Variants in MARCHF1 observed in about 807,000 individuals in gnomAD.
The protein encoded by MARCHF1 is membrane associated ring-CH-type finger 1, also known as E3 ubiquitin-protein ligase MARCHF1.
Under a neutral mutation model 54.2 loss-of-function variants are expected in MARCHF1, and 40 were observed. The observed-to-expected ratio is 0.74, with a 90% CI of 0.57 to 0.96. The LOEUF (loss-of-function observed/expected upper bound fraction) is 0.96. Among genes scored for constraint, MARCHF1 ranks in the 40% least tolerant of loss-of-function variants. MARCHF1 has a pLI of 0.00. For synonymous variants in MARCHF1, 236 were observed against 236.3 expected, an observed-to-expected ratio of 1.00 and a Z score of 0.01; for missense variants, 586 against 656.5, an observed-to-expected ratio of 0.89 and a Z score of 1.17.
intron 2 of MARCHF1, among the ~76,000 whole-genome samples, chr4:164,103,172 T>G (rs1325651685): frequency 1.7e-5 from 1 of 57,266 alleles, no homozygotes; most frequent in Non-Finnish European, 4.2e-5. Context: ...AATGGGAGAC[T>G]TTAACACCCC....
chr4:163,835,293 ATTCGTGG>A (rs1749149206), intron 4 of MARCHF1, among the ~76,000 whole-genome samples: 1 of 152,210 alleles, frequency 6.6e-6, no homozygotes, highest in South Asian at 2.1e-4. Flanking sequence ...ATAAGACCAC[ATTCGTGG>A]TTCTTAAAAT....
At chr4:164,062,931 C>T (rs1754651539) in intron 2 of MARCHF1, among the ~76,000 whole-genome samples, 1 of 152,136 alleles carries the variant, frequency 6.6e-6, no homozygotes, top group Admixed American at 6.5e-5. Context: ...ATTTCTTGTA[C>T]ATTTTCCTGA....
intron 1 of MARCHF1, among the ~76,000 whole-genome samples, chr4:164,148,281 C>T (rs1007327845): frequency 6.6e-6 from 1 of 152,042 alleles, no homozygotes; most frequent in African/African-American, 2.4e-5. Flanking sequence ...TTGCTCATTT[C>T]TTGAATACAA....
At chr4:164,321,343 A>C (rs1579718946) in intron 1 of MARCHF1, among the ~76,000 whole-genome samples, 1 of 152,192 alleles carries the variant, frequency 6.6e-6, no homozygotes, top group African/African-American at 2.4e-5. Flanking sequence ...GCAGTGGATG[A>C]ATTTAAAGAG....
chr4:164,130,580 G>A (rs548547964), intron 1 of MARCHF1, among the ~76,000 whole-genome samples: 2 of 152,192 alleles, frequency 1.3e-5, no homozygotes, highest in South Asian at 2.1e-4. Context: ...TAAACCCTGC[G>A]CTAAACAATG....
intron 1 of MARCHF1, among the ~76,000 whole-genome samples, chr4:164,162,642 A>AG (rs1730268139): frequency 6.6e-6 from 1 of 152,056 alleles, no homozygotes; most frequent in Admixed American, 6.6e-5. Context: ...GATTCAAAAA[A>AG]CATTATCCAG....
intron 8 of MARCHF1, among the ~76,000 whole-genome samples, chr4:163,566,856 C>T (rs1397360694): frequency 6.6e-6 from 1 of 152,134 alleles, no homozygotes; most frequent in Non-Finnish European, 1.5e-5. Context: ...CTAATTCAGT[C>T]CTAAGTATTA....
intron 4 of MARCHF1, among the ~76,000 whole-genome samples, chr4:163,794,469 T>G (rs1053630342): frequency 6.6e-6 from 1 of 152,164 alleles, no homozygotes; most frequent in African/African-American, 2.4e-5. Flanking sequence ...TAACACAAAC[T>G]TATTATGTAA....
intron 1 of MARCHF1, among the ~76,000 whole-genome samples, chr4:164,178,719 G>A (rs1023983051): frequency 6.6e-6 from 1 of 151,898 alleles, no homozygotes; most frequent in African/African-American, 2.4e-5. Flanking sequence ...TTAAAATGCA[G>A]CTTAATGTCT....
At chr4:163,994,845 AC>A (rs1358566223) in intron 2 of MARCHF1, among the ~76,000 whole-genome samples, 3 of 151,318 alleles carry the variant, frequency 2.0e-5, no homozygotes, top group Non-Finnish European at 4.4e-5. Context: ...ATGTAGAGAT[AC>A]ATGTATCTGC....
In MARCHF1 at chr4:163,786,983, G is replaced by C. The variant is rs149165983; in HGVS notation, c.111+67038C>G. Among the ~76,000 whole-genome samples the C allele has an allele frequency of 1.4e-4, 21 of 151,964 alleles. No individual in the cohort carries two copies. The East Asian group carries it at 3.9e-3, about 28-fold the overall frequency. On this transcript the variant is annotated intron_variant, in intron 4 of 9. Transcript: ENST00000514618. ...ACAAGGATGCCAATACTACATACAG[G>C]AAAGTCTCTAGAGCAGATGATGATG...
At chr4:164,100,283 A>T (rs973504290) in intron 2 of MARCHF1, among the ~76,000 whole-genome samples, 5 of 152,240 alleles carry the variant, frequency 3.3e-5, no homozygotes, top group African/African-American at 1.2e-4. Context: ...ATTACAATAG[A>T]GGATCAATCT....
At chr4:164,337,029 G>T (rs6536809) in intron 1 of MARCHF1, among the ~76,000 whole-genome samples, 9,129 of 151,984 alleles carry the variant, frequency 0.06, 786 homozygotes, top group East Asian at 0.25. Context: ...GGAAAGGAGG[G>T]TGAGAAGAGA....
chr4:163,822,892 C>G (rs966233282), intron 4 of MARCHF1, among the ~76,000 whole-genome samples: 5 of 151,794 alleles, frequency 3.3e-5, no homozygotes, highest in African/African-American at 9.7e-5. Context: ...TTGTAGCACT[C>G]TGAATTCCAC....
At chr4:163,955,995 T>C (rs1316436283) in intron 3 of MARCHF1, among the ~76,000 whole-genome samples, 3 of 151,822 alleles carry the variant, frequency 2.0e-5, no homozygotes, top group African/African-American at 7.3e-5. Context: ...GAATAGAAAA[T>C]AGAGGTGAGT....
intron 7 of MARCHF1, among the ~76,000 whole-genome samples, chr4:163,589,320 A>G (rs1191718839): frequency 2.0e-5 from 3 of 152,134 alleles, no homozygotes; most frequent in East Asian, 3.8e-4. Context: ...AATTTCTGCT[A>G]AAACTACTAC....
At chr4:163,765,574 A>C (rs1203201150) in intron 4 of MARCHF1, among the ~76,000 whole-genome samples, 1 of 152,106 alleles carries the variant, frequency 6.6e-6, no homozygotes, top group Non-Finnish European at 1.5e-5. Context: ...AGTATTTATA[A>C]ATTGTGTGCT....
chr4:163,813,929 G>C (rs561968307), intron 4 of MARCHF1, among the ~76,000 whole-genome samples: 2 of 152,092 alleles, frequency 1.3e-5, no homozygotes, highest in African/African-American at 4.8e-5. Context: ...AGGGTGGAAG[G>C]CTGTCCTGAT....
intron 4 of MARCHF1, among the ~76,000 whole-genome samples, chr4:163,792,177 G>A (rs1258766905): frequency 6.6e-6 from 1 of 152,066 alleles, no homozygotes; most frequent in African/African-American, 2.4e-5. Context: ...ATGCCATAAC[G>A]ATTTAAATGT....
Sources: gnomAD v4.1 joint callset for allele counts (sites outside exome capture counted in the v4.1 genomes callset) on GRCh38, gnomAD v4.1.1 for gene constraint, MANE v1.5 for transcripts, NCBI Gene and HGNC (gene_info 2026-07-23, HGNC 2026-07-21) for gene names.